SHTN1: variants seen among roughly 807,000 people sequenced by gnomAD.
SHTN1 encodes shootin-1.
A neutral mutation model predicts 83.1 loss-of-function variants in SHTN1; 42 were observed. The observed-to-expected ratio is 0.51, with a 90% CI of 0.39 to 0.65. The LOEUF (loss-of-function observed/expected upper bound fraction) is 0.65, where lower values mean the gene tolerates loss of function less well. Ranked by LOEUF, SHTN1 falls within the 30% of genes least tolerant of loss-of-function variation. The pLI, the probability that SHTN1 is intolerant of heterozygous loss-of-function variation, is 0.00. For synonymous variants in SHTN1, 224 were observed against 247.7 expected, an observed-to-expected ratio of 0.90 and a Z score of 0.90; for missense variants, 622 against 737.8, an observed-to-expected ratio of 0.84 and a Z score of 1.82.
At chr10:116,915,655 A>C (rs1261987675) in intron 12 of SHTN1, among the ~76,000 whole-genome samples, 171 bp from the exon 13 acceptor site, 1 of 152,208 alleles carries the variant, frequency 6.6e-6, no homozygotes, top group Non-Finnish European at 1.5e-5. Flanking sequence ...GCAACACTTA[A>C]AGAAAAAACT....
At chr10:116,949,400 G>A (rs1398587904) in intron 6 of SHTN1, among the ~76,000 whole-genome samples, 2 of 152,092 alleles carry the variant, frequency 1.3e-5, no homozygotes, top group Non-Finnish European at 2.9e-5. Context: ...GAAGTGCTGG[G>A]ATTACAGGCG....
intron 16 of SHTN1, among the ~76,000 whole-genome samples, chr10:116,899,782 G>A (rs969513866): frequency 6.6e-6 from 1 of 152,184 alleles, no homozygotes; most frequent in Non-Finnish European, 1.5e-5. Context: ...ACTTCAAAGT[G>A]CTTTGACAGG....
At chr10:117,055,449 T>C (rs1338265136) in intron 1 of SHTN1, among the ~76,000 whole-genome samples, 1 of 152,134 alleles carries the variant, frequency 6.6e-6, no homozygotes, top group African/African-American at 2.4e-5. Flanking sequence ...GAAGGGGAAA[T>C]AGAGAGTGCC....
At chr10:116,926,888 C>T (rs1378290851) in intron 11 of SHTN1, among the ~76,000 whole-genome samples, 1 of 152,142 alleles carries the variant, frequency 6.6e-6, no homozygotes, top group Non-Finnish European at 1.5e-5. Flanking sequence ...AAATTTGACT[C>T]TAAATCTCCT....
intron 1 of SHTN1, among the ~76,000 whole-genome samples, chr10:117,063,247 G>A (rs1292051566): frequency 1.3e-5 from 2 of 152,132 alleles, no homozygotes; most frequent in East Asian, 3.9e-4. Context: ...GGAAGCATTG[G>A]CAGGAGGGTA....
intron 1 of SHTN1, among the ~76,000 whole-genome samples, chr10:117,089,186 C>T (rs1032454195): frequency 2.0e-5 from 3 of 152,046 alleles, no homozygotes; most frequent in African/African-American, 4.8e-5. Flanking sequence ...AAAATGGGCA[C>T]AAGGGAATTT....
Position 116,891,043 on chromosome 10 carries a change from G to A in SHTN1, c.1674-4477C>T, listed in dbSNP as rs75725843. ...AATGCCCAAAAGAGCCCTAATAGACGTGGTTCTGAGCTCAATTGAATACAA... is the reference window on the plus strand; with the variant it reads ...AATGCCCAAAAGAGCCCTAATAGACATGGTTCTGAGCTCAATTGAATACAA... On this transcript the variant is annotated intron_variant, in intron 16 of 16. Coordinates refer to ENST00000355371, the MANE Select transcript of SHTN1 (RefSeq NM_001127211.3). Among the ~76,000 whole-genome samples the A allele has an allele frequency of 4.6e-5, 7 of 152,192 alleles. No individual in the cohort carries two copies. The East Asian group carries it at 9.6e-4, about 21-fold the overall frequency.
At chr10:117,096,937 G>C (rs1054305804) in intron 1 of SHTN1, among the ~76,000 whole-genome samples, 5 of 152,128 alleles carry the variant, frequency 3.3e-5, no homozygotes, top group African/African-American at 1.2e-4. Flanking sequence ...CATCATCATG[G>C]AGATCCTAGA....
chr10:116,909,310 G>C (rs1033130747), intron 14 of SHTN1, among the ~76,000 whole-genome samples: 1 of 152,118 alleles, frequency 6.6e-6, no homozygotes, highest in Non-Finnish European at 1.5e-5. Context: ...TAATCTAATT[G>C]TCAGGCAAAA....
intron 1 of SHTN1, among the ~76,000 whole-genome samples, chr10:117,003,204 AATCAAG>A (rs1280702769): frequency 6.6e-6 from 1 of 151,952 alleles, no homozygotes; most frequent in East Asian, 1.9e-4. Context: ...CTAGAATATG[AATCAAG>A]TTTTAATGTT....
intron 9 of SHTN1, among the ~76,000 whole-genome samples, chr10:116,933,310 C>A (rs986978780): frequency 1.2e-4 from 18 of 151,972 alleles, no homozygotes; most frequent in African/African-American, 3.9e-4. Flanking sequence ...TAATGCTATC[C>A]CTCCCCTTGC....
At chr10:117,031,518 GAACAA>G (rs1292808684) in intron 2 of SHTN1, among the ~76,000 whole-genome samples, 3 of 152,002 alleles carry the variant, frequency 2.0e-5, no homozygotes, top group Admixed American at 6.6e-5. Context: ...ACTAAATGAT[GAACAA>G]ATCAAAAATA....
chr10:116,889,402 T>C (rs1313380375), intron 16 of SHTN1, among the ~76,000 whole-genome samples: 1 of 152,232 alleles, frequency 6.6e-6, no homozygotes, highest in Admixed American at 6.5e-5. Context: ...GGCTACAATT[T>C]GAGAACCCCT....
intron 1 of SHTN1, among the ~76,000 whole-genome samples, chr10:117,002,835 A>G (rs562280307): frequency 6.6e-6 from 1 of 152,238 alleles, no homozygotes; most frequent in Non-Finnish European, 1.5e-5. Flanking sequence ...TTTAAGAAAC[A>G]CAACTTTGAA....
intron 1 of SHTN1, among the ~76,000 whole-genome samples, chr10:117,114,748 T>C (rs1354223820): frequency 6.6e-6 from 1 of 152,232 alleles, no homozygotes; most frequent in Non-Finnish European, 1.5e-5. Context: ...ACTAATTTAG[T>C]ACCTGGTCCT....
chr10:116,928,792 G>A (rs928109170), intron 10 of SHTN1, among the ~76,000 whole-genome samples: 16 of 152,206 alleles, frequency 1.1e-4, no homozygotes, highest in African/African-American at 3.4e-4. Context: ...TCCCTCCAAG[G>A]GGAATCTGAG....
At chr10:117,094,692 T>C (rs1853481675) in intron 1 of SHTN1, among the ~76,000 whole-genome samples, 2 of 152,222 alleles carry the variant, frequency 1.3e-5, no homozygotes, top group African/African-American at 2.4e-5. Flanking sequence ...ATATATATTA[T>C]CATTAAGTGA....
chr10:116,947,681 G>A (rs1387224110), intron 7 of SHTN1, among the ~76,000 whole-genome samples: 1 of 152,086 alleles, frequency 6.6e-6, no homozygotes, highest in Non-Finnish European at 1.5e-5. Flanking sequence ...GAATTTTCAC[G>A]TGTCCTGGCC....
chr10:117,036,202 C>A (rs1192105761), intron 2 of SHTN1, among the ~76,000 whole-genome samples: 1 of 152,006 alleles, frequency 6.6e-6, no homozygotes, highest in East Asian at 1.9e-4. Context: ...AAATTTAGTA[C>A]AACCACTATG....
Sources: allele counts gnomAD v4.1 joint callset (sites outside exome capture counted in the v4.1 genomes callset), GRCh38; gene constraint gnomAD v4.1.1; transcripts MANE v1.5; gene names NCBI Gene and HGNC (gene_info 2026-07-23, HGNC 2026-07-21).